IGSF9: variants seen among roughly 807,000 people sequenced by gnomAD.
IGSF9 encodes immunoglobulin superfamily member 9.
A neutral mutation model predicts 121.7 loss-of-function variants in IGSF9; 87 were observed. The observed-to-expected ratio is 0.71, with a 90% CI of 0.60 to 0.85. The LOEUF (loss-of-function observed/expected upper bound fraction) is 0.85, where lower values mean the gene tolerates loss of function less well. Among genes scored for constraint, IGSF9 ranks in the 40% least tolerant of loss-of-function variants. IGSF9 has a pLI of 0.00. For missense variants in IGSF9, 1,462 were observed against 1,565.3 expected, an observed-to-expected ratio of 0.93 and a Z score of 1.11; for synonymous variants, 640 against 648.4, an observed-to-expected ratio of 0.99 and a Z score of 0.20.
Position 159,930,841 on chromosome 1 carries a change from T to C in IGSF9, c.1664A>G (p.His555Arg). The C allele has an allele frequency of 6.2e-7, 1 of 1,611,712 alleles. No individual in the cohort carries two copies. The highest frequency in any genetic ancestry group is 1.1e-5 in the South Asian group (1 of 90,834). Residue 555 changes from histidine (H) to arginine (R), a missense_variant, in exon 14 of 21, where the codon CAT becomes CGT. Transcript: ENST00000368094. ...PLAKRPDRMH[H>R]DWVSLAVPVG... ...AGGCACTGCCAAGGACACCCAGTCA[T>C]GGTGCATTCGGTCAGGACGCTTGGC...
chr1:159,927,563 G>A, intron 20 of IGSF9, 37 bp from the exon 21 acceptor site: 1 of 1,593,896 alleles, frequency 6.3e-7, no homozygotes, highest in Non-Finnish European at 8.6e-7. Flanking sequence ...AAGAAGCCCT[G>A]AGGTTCACTG....
chr1:159,937,632 T>G, intron 4 of IGSF9, 54 bp downstream of exon 4: 2 of 1,580,178 alleles, frequency 1.3e-6, no homozygotes, highest in South Asian at 2.2e-5. Flanking sequence ...CAGCCAGAGA[T>G]CCCCATCCTC....
chr1:159,940,589 G>A (rs906185935), intron 3 of IGSF9, among the ~76,000 whole-genome samples: 3 of 152,226 alleles, frequency 2.0e-5, no homozygotes, highest in African/African-American at 4.8e-5. Flanking sequence ...GCAAGTTCAC[G>A]TCCACACATC....
chr1:159,934,746 A>T lies in IGSF9; in HGVS notation c.750T>A (p.Ala250=). The change falls in exon 7 of 21, where the codon GCT becomes GCA. Residue 250 remains alanine, a synonymous_variant. Coordinates refer to ENST00000368094, the MANE Select transcript of IGSF9 (RefSeq NM_001135050.2). ...ASQDVSLACH[A]EAYPANLTYS... ...AGGTGAGGTTAGCAGGGTATGCCTC[A>T]GCATGGCAGGCCAATGAAACATCCT... 6.2e-7 allele frequency: 1 copy of T among 1,614,220 alleles called. No homozygotes were observed. Among genetic ancestry groups the T allele is most frequent in the Non-Finnish European group, 8.5e-7 (1 of 1,180,030 alleles).
chr1:159,931,065 G>A lies in IGSF9; in HGVS notation c.1637+73C>T, dbSNP rs372167667. On this transcript the variant is annotated intron_variant, in intron 13 of 20. Transcript: ENST00000368094. The surrounding 1 kb of genome is among the most constrained non-coding windows in gnomAD (Gnocchi z 4.8). ...AGAGGGACAGAAGAAAGGGCAGAAG[G>A]CCAGATAGGTTCAAGGAGGAGAGGA... 3.1e-5 allele frequency: 49 copies of A among 1,602,068 alleles called. No homozygotes were observed. The East Asian group carries it at 7.4e-4, about 24-fold the overall frequency.
In IGSF9 at chr1:159,932,843, T is replaced by C. The variant is rs1369559183; in HGVS notation, c.1105-191A>G. 1 of 578,514 alleles carries C rather than the reference T, an allele frequency of 1.7e-6. No individual in the cohort carries two copies. The highest frequency in any genetic ancestry group is 3.0e-6 in the Non-Finnish European group (1 of 333,800). The allele number at this position is 578,514 out of a possible 1,614,324, so 35.8% of individuals were successfully genotyped here. A position where few individuals can be genotyped will look rare whatever the true frequency, so the allele number is the denominator to read the frequency against. Reference sequence around the variant, plus strand: ...CTTCCTGCAGAGGGACCCCTCCCAATAGTGTGAGGCTGTGACTGCACAACT... The same window carrying C: ...CTTCCTGCAGAGGGACCCCTCCCAACAGTGTGAGGCTGTGACTGCACAACT... On this transcript the variant is annotated intron_variant, in intron 9 of 20. Transcript: ENST00000368094. The surrounding 1 kb of genome is among the most constrained non-coding windows in gnomAD (Gnocchi z 4.1).
rs777427071 is a variant in IGSF9, at chr1:159,928,624, G to A, written c.2764C>T (p.Pro922Ser). 1.4e-5 allele frequency: 21 copies of A among 1,490,862 alleles called. No homozygotes were observed. Among genetic ancestry groups the A allele is most frequent in the Admixed American group, 2.5e-5 (1 of 40,494 alleles). The allele number at this position is 1,490,862 out of a possible 1,614,324, so 92.4% of individuals were successfully genotyped here. A position where few individuals can be genotyped will look rare whatever the true frequency, so the allele number is the denominator to read the frequency against. The change falls in exon 19 of 21, where the codon CCC (proline) becomes TCC (serine). Residue 922 changes from proline to serine, a missense_variant. By Grantham distance (74) the Pro-to-Ser change is moderately conservative. Coordinates refer to ENST00000368094, the MANE Select transcript of IGSF9 (RefSeq NM_001135050.2). ...GGCAGGCTCAGGTACTGGAGCAGGG[G>A]TCCAGGACCTGGCAAGGGACTGGGT... ...APPSPLPGPGPLLQYLSLPFF... is the reference protein window; with the variant it reads ...APPSPLPGPGSLLQYLSLPFF...
chr1:159,941,722 G>A lies in IGSF9; in HGVS notation c.247+1241C>T, dbSNP rs538450663. On this transcript the variant is annotated intron_variant, in intron 3 of 20. Coordinates refer to ENST00000368094, the MANE Select transcript of IGSF9 (RefSeq NM_001135050.2). ...TCAGGCAACATTATGAATCTGTCCAGCCTCAGCCCGGCAGCCCGAGACCCC... is the reference window on the plus strand; with the variant it reads ...TCAGGCAACATTATGAATCTGTCCAACCTCAGCCCGGCAGCCCGAGACCCC... 1.8e-4 allele frequency among the ~76,000 whole-genome samples: 27 copies of A among 152,348 alleles called. No individual in the cohort carries two copies. In the South Asian group the frequency reaches 2.7e-3, roughly 15 times the overall value.
Position 159,927,145 on chromosome 1 carries a change from C to T in IGSF9, c.*200G>A. On this transcript the variant is annotated 3_prime_UTR_variant, in exon 21 of 21. Transcript: ENST00000368094. ...AGAGAGAGAGAGGCAGACCTAAGAT[C>T]CCTGTTCCAATCCCCAGACTCACCT... 1 of 598,792 alleles carries T rather than the reference C, an allele frequency of 1.7e-6. No homozygotes were observed. Among genetic ancestry groups the T allele is most frequent in the East Asian group, 2.9e-5 (1 of 34,592 alleles). 37.1% of individuals were successfully genotyped at this position (598,792 alleles called of 1,614,324 possible). A position where few individuals can be genotyped will look rare whatever the true frequency, so the allele number is the denominator to read the frequency against.
Position 159,942,586 on chromosome 1 carries a change from G to C in IGSF9, c.247+377C>G, listed in dbSNP as rs1651422306. Reference sequence around the variant, plus strand: ...AGAGCCAGGACCAAGGCAGGGCCAAGAGGGGAGACTACAGATCAGGATGAA... The same window carrying C: ...AGAGCCAGGACCAAGGCAGGGCCAACAGGGGAGACTACAGATCAGGATGAA... On this transcript the variant is annotated intron_variant, in intron 3 of 20. Coordinates refer to ENST00000368094, the MANE Select transcript of IGSF9 (RefSeq NM_001135050.2). 2.6e-5 allele frequency among the ~76,000 whole-genome samples: 4 copies of C among 152,216 alleles called. No individual in the cohort carries two copies. The South Asian group carries it at 8.3e-4, about 32-fold the overall frequency.
intron 3 of IGSF9, among the ~76,000 whole-genome samples, chr1:159,938,833 G>T (rs1362485158): frequency 6.6e-6 from 1 of 152,192 alleles, no homozygotes; most frequent in Non-Finnish European, 1.5e-5. Context: ...GTAGCATGGT[G>T]CCTGGCATCA....
chr1:159,934,041 A>C, intron 9 of IGSF9, 149 bp downstream of exon 9: 2 of 959,310 alleles, frequency 2.1e-6, no homozygotes, highest in Non-Finnish European at 3.1e-6. Context: ...GTAGTTTCCT[A>C]TGCAACATGT....
rs767227752 is a variant in IGSF9 at position 159,943,055 on chromosome 1, A to C, written c.155T>G (p.Leu52Arg). The change falls in exon 3 of 21, where the codon CTG (leucine) becomes CGG (arginine). Residue 52 changes from leucine to arginine, a missense_variant. Physicochemically the swap from Leu to Arg is moderately radical, Grantham distance 102. This residue lies in a region of IGSF9 where 558 missense variants were observed against 599.4 expected (regional missense o/e 0.93). Transcript: ENST00000368094. ...DLLPPAGRPP[L>R]HVIEWLRFGF... ...AAAGCGCAGCCACTCGATGACATGC[A>C]GGGGGGGCCGGCCGGCCGGGGGCAG... 9 of 1,612,994 alleles carry C rather than the reference A, an allele frequency of 5.6e-6. No individual in the cohort carries two copies. The African/African-American group carries it at 6.7e-5, about 12-fold the overall frequency.
In IGSF9 at chr1:159,934,540, C is replaced by A. The variant is rs765173483; in HGVS notation, c.846G>T (p.Val282=). The change falls in exon 8 of 21, where the codon GTG becomes GTT. Residue 282 remains valine, a synonymous_variant. Coordinates refer to ENST00000368094, the MANE Select transcript of IGSF9 (RefSeq NM_001135050.2). ...SRLQPRVRIL[V]DGSLRLLATQ... ...TGGCCAGCAGCCGCAGGCTCCCGTC[C>A]ACCAGGATCCGCACCCGGGGCTGCA... is the stretch of plus-strand genomic sequence containing the variant. 6.2e-7 allele frequency: 1 copy of A among 1,613,936 alleles called. No individual in the cohort carries two copies. Among genetic ancestry groups the A allele is most frequent in the Admixed American group, 1.7e-5 (1 of 60,016 alleles).
intron 4 of IGSF9, 137 bp downstream of exon 4, chr1:159,937,549 G>C (rs993827880): frequency 1.1e-6 from 1 of 880,262 alleles, no homozygotes; most frequent in East Asian, 2.6e-5. Flanking sequence ...GCAAACAAGG[G>C]CTCTCAGGAA....
rs749350917 is a variant in IGSF9 at position 159,930,401 on chromosome 1, T to C, written c.1852A>G (p.Thr618Ala). ...TTPAAPGLPP[T>A]EIPPPLSPPR... ...GGGGACAGGGGAGGCGGTATCTCTG[T>C]TGGGGGAAGCCCGGGTGCAGCTGGC... Residue 618 changes from threonine (T) to alanine (A), a missense_variant, in exon 15 of 21, where the codon ACA becomes GCA. Coordinates refer to ENST00000368094, the MANE Select transcript of IGSF9 (RefSeq NM_001135050.2). The C allele has an allele frequency of 6.4e-7, 1 of 1,560,388 alleles. No homozygotes were observed. The highest frequency in any genetic ancestry group is 8.7e-7 in the Non-Finnish European group (1 of 1,152,600).
intron 6 of IGSF9, 77 bp from the exon 7 acceptor site, chr1:159,934,899 T>C: frequency 1.3e-6 from 2 of 1,542,838 alleles, no homozygotes. Context: ...TCTACAACTC[T>C]TCCCAGCTCT....
At chr1:159,937,121 C>T (rs76105735) in intron 4 of IGSF9, among the ~76,000 whole-genome samples, 13,361 of 152,178 alleles carry the variant, frequency 0.088, 795 homozygotes, top group African/African-American at 0.17. Context: ...TGGGGCTGAA[C>T]CCAGGTTGGA....
Position 159,928,280 on chromosome 1 carries a change from G to T in IGSF9, c.3108C>A (p.Pro1036=), listed in dbSNP as rs1420105207. 1 of 1,612,878 alleles carries T rather than the reference G, an allele frequency of 6.2e-7. No homozygotes were observed. The highest frequency in any genetic ancestry group is 8.5e-7 in the Non-Finnish European group (1 of 1,179,790). Residue 1036 remains proline, a synonymous_variant, in exon 19 of 21, where the codon CCC becomes CCA. Coordinates refer to ENST00000368094, the MANE Select transcript of IGSF9 (RefSeq NM_001135050.2). ...CTCCTGCAGAGGGGGCTGTGGAGGGGGGCCGCAGGAACGAAGCGCTGCCTC... is the reference window on the plus strand; with the variant it reads ...CTCCTGCAGAGGGGGCTGTGGAGGGTGGCCGCAGGAACGAAGCGCTGCCTC... The part of the protein sequence containing the change: ...SGRGSASFLR[P]PSTAPSAGGS...
Sources: allele counts gnomAD v4.1 joint callset (sites outside exome capture counted in the v4.1 genomes callset), GRCh38; gene constraint gnomAD v4.1.1; regional missense constraint gnomAD v4.1.1; non-coding constraint Gnocchi (gnomAD v3.1); transcripts MANE v1.5; gene names NCBI Gene and HGNC (gene_info 2026-07-23, HGNC 2026-07-21).